PIP4K2A: variants seen among roughly 807,000 people sequenced by gnomAD.
The protein encoded by PIP4K2A is phosphatidylinositol-5-phosphate 4-kinase type 2 alpha, also known as phosphatidylinositol 5-phosphate 4-kinase type-2 alpha.
PIP4K2A carries 14 observed loss-of-function variants against 42.9 expected under a neutral mutation model. That is an observed-to-expected ratio of 0.33 (90% CI 0.22 to 0.51). PIP4K2A has a LOEUF of 0.51. PIP4K2A is among the 20% of genes least tolerant of loss of function. The pLI is 0.97. For synonymous variants in PIP4K2A, 192 were observed against 192.2 expected, an observed-to-expected ratio of 1.00 and a Z score of 0.01; for missense variants, 434 against 519.8, an observed-to-expected ratio of 0.83 and a Z score of 1.61.
chr10:22,699,519 A>G (rs928268552), intron 1 of PIP4K2A, among the ~76,000 whole-genome samples: 1 of 151,992 alleles, frequency 6.6e-6, no homozygotes, highest in East Asian at 1.9e-4. Context: ...GGAGGGGCAC[A>G]TGGTCAGGCC....
At chr10:22,588,020 G>T (rs1180319119) in intron 4 of PIP4K2A, among the ~76,000 whole-genome samples, 5 of 152,114 alleles carry the variant, frequency 3.3e-5, no homozygotes, top group Non-Finnish European at 7.3e-5. Context: ...GGTTTCTGTG[G>T]AATTCTCTGA....
chr10:22,678,787 T>C (rs1839607903), intron 1 of PIP4K2A, among the ~76,000 whole-genome samples: 1 of 152,216 alleles, frequency 6.6e-6, no homozygotes, highest in Non-Finnish European at 1.5e-5. Context: ...TTTTGCAGTC[T>C]TATTTGTGGC....
chr10:22,662,950 C>T (rs1208968924), intron 1 of PIP4K2A, among the ~76,000 whole-genome samples: 4 of 152,234 alleles, frequency 2.6e-5, no homozygotes, highest in Admixed American at 6.5e-5. Flanking sequence ...AGTTCTGCAA[C>T]GTCTGGTGTG....
intron 4 of PIP4K2A, among the ~76,000 whole-genome samples, chr10:22,577,599 C>T (rs942886247): frequency 6.6e-6 from 1 of 152,152 alleles, no homozygotes; most frequent in Non-Finnish European, 1.5e-5. Flanking sequence ...ACCTCTTTTC[C>T]TTATGAATCA....
At chr10:22,684,718 A>G (rs564610761) in intron 1 of PIP4K2A, among the ~76,000 whole-genome samples, 18 of 152,334 alleles carry the variant, frequency 1.2e-4, no homozygotes, top group African/African-American at 3.8e-4. Flanking sequence ...TGTCTCAGGC[A>G]TATGGCAAAG....
chr10:22,556,326 T>C (rs1311662703), intron 6 of PIP4K2A, among the ~76,000 whole-genome samples: 3 of 152,172 alleles, frequency 2.0e-5, no homozygotes, highest in Non-Finnish European at 2.9e-5. Flanking sequence ...TGCTACCAGC[T>C]AGAAAAACCT....
At position 22,609,693 on chromosome 10, in the gene PIP4K2A, T is replaced by C. The variant is rs768573536; in HGVS notation, c.169A>G (p.Ile57Val). The change falls in exon 2 of 10, where the codon ATC becomes GTC. Residue 57 changes from isoleucine to valine, a missense_variant. Physicochemically the swap from Ile to Val is conservative, Grantham distance 29. Around this residue, in one of 2 missense-constraint regions of PIP4K2A, gnomAD observed 395 missense variants for 444.5 expected, o/e 0.89. Transcript: ENST00000376573. ...TCATCTGGCATCAACATAACAGGGA[T>C]TTGAACATGGCTCAGTTCATTGATC... Reference protein sequence around the residue: ...HSINELSHVQIPVMLMPDDFK... With the variant: ...HSINELSHVQVPVMLMPDDFK... 1 of 1,607,106 alleles carries C rather than the reference T, an allele frequency of 6.2e-7. No homozygotes were observed. Among genetic ancestry groups the C allele is most frequent in the Non-Finnish European group, 8.5e-7 (1 of 1,174,400 alleles).
At chr10:22,569,644 GGTGTGTGTGTCTGTGT>G (rs1295335668) in intron 5 of PIP4K2A, among the ~76,000 whole-genome samples, 2 of 151,888 alleles carry the variant, frequency 1.3e-5, no homozygotes, top group African/African-American at 2.4e-5. Flanking sequence ...AAGTTCTTGG[GGTGTGTGTGTCTGTGT>G]GTGTGTGTGT....
rs1053454 is a variant in PIP4K2A, at chr10:22,537,164, A to C, written c.*37T>G. On this transcript the variant is annotated 3_prime_UTR_variant, in exon 10 of 10. Transcript: ENST00000376573. The stretch of plus-strand genomic sequence containing the variant: ...TCCTACACCGAAGCCACCTCTGTCC[A>C]TCCAATGTTCATGTCTGTCCGAGGC... The C allele has an allele frequency of 0.65, 993,049 of 1,526,178 alleles. 326,757 individuals are homozygous for C. Among genetic ancestry groups the C allele is most frequent in the African/African-American group, 0.83 (60,568 of 72,734 alleles). The allele number at this position is 1,526,178 out of a possible 1,614,324, so 94.5% of individuals were successfully genotyped here.
chr10:22,574,441 TC>T (rs1262247639), intron 4 of PIP4K2A, among the ~76,000 whole-genome samples: 57 of 17,640 alleles, frequency 3.2e-3, no homozygotes, highest in East Asian at 0.014. Context: ...TTTTTCATTT[TC>T]TGTTTTTTTT....
chr10:22,669,785 C>T (rs987827821), intron 1 of PIP4K2A, among the ~76,000 whole-genome samples: 3 of 152,058 alleles, frequency 2.0e-5, no homozygotes, highest in Middle Eastern at 3.2e-3. Context: ...CCGTTTTTTG[C>T]TAGCAAAAAA....
intron 1 of PIP4K2A, among the ~76,000 whole-genome samples, chr10:22,655,937 G>T (rs1348658588): frequency 6.6e-6 from 1 of 152,078 alleles, no homozygotes; most frequent in African/African-American, 2.4e-5. Context: ...CAAAGCGCTG[G>T]AGTGGGCATC....
At chr10:22,633,611 A>C (rs1359817047) in intron 1 of PIP4K2A, among the ~76,000 whole-genome samples, 3 of 152,122 alleles carry the variant, frequency 2.0e-5, no homozygotes, top group African/African-American at 7.2e-5. Flanking sequence ...TGGGGCAAGA[A>C]ACCCAGGTCA....
chr10:22,651,686 T>C (rs1003101789), intron 1 of PIP4K2A, among the ~76,000 whole-genome samples: 2 of 152,228 alleles, frequency 1.3e-5, no homozygotes, highest in Non-Finnish European at 2.9e-5. Flanking sequence ...GTATGATGTA[T>C]CTGACATCTG....
intron 1 of PIP4K2A, among the ~76,000 whole-genome samples, chr10:22,701,252 G>GT (rs1010220027): frequency 1.3e-5 from 2 of 152,162 alleles, no homozygotes; most frequent in South Asian, 2.1e-4. Flanking sequence ...AGTGTGAATG[G>GT]TAAGAAAATG....
At chr10:22,654,068 T>C (rs1477269712) in intron 1 of PIP4K2A, among the ~76,000 whole-genome samples, 1 of 152,076 alleles carries the variant, frequency 6.6e-6, no homozygotes, top group Non-Finnish European at 1.5e-5. Flanking sequence ...TTAGATTTAA[T>C]AAATGGACGA....
At chr10:22,554,863 C>T (rs1836496219) in intron 6 of PIP4K2A, among the ~76,000 whole-genome samples, 1 of 152,230 alleles carries the variant, frequency 6.6e-6, no homozygotes. Flanking sequence ...TCGGGGGCCC[C>T]AGAGCTGCTC....
Position 22,539,922 on chromosome 10 carries a change from A to AGG in PIP4K2A, c.1140+48_1140+49insCC, listed in dbSNP as rs764836638. On this transcript the variant is annotated intron_variant, in intron 9 of 9. Transcript: ENST00000376573. ...GAGAGAGAGAGAGAGGGAGAGAGAG[A>AGG]GAGAGAGAGGGAGAGAAAGAGAGAA... 2.1e-5 allele frequency: 21 copies of AGG among 982,002 alleles called. No individual in the cohort carries two copies. The African/African-American group carries it at 2.8e-4, about 13-fold the overall frequency. 60.8% of individuals were successfully genotyped at this position (982,002 alleles called of 1,614,324 possible).
At chr10:22,584,366 G>A in intron 4 of PIP4K2A, among the ~76,000 whole-genome samples, 1 of 152,030 alleles carries the variant, frequency 6.6e-6, no homozygotes, top group East Asian at 1.9e-4. Context: ...CTTAGGACTG[G>A]ATGATATATT....
Sources: allele counts gnomAD v4.1 joint callset (sites outside exome capture counted in the v4.1 genomes callset), GRCh38; gene constraint gnomAD v4.1.1; regional missense constraint gnomAD v4.1.1; transcripts MANE v1.5; gene names NCBI Gene and HGNC (gene_info 2026-07-23, HGNC 2026-07-21).